YTHDF1: variants seen among roughly 807,000 people sequenced by gnomAD.
YTHDF1 encodes YTH domain-containing family protein 1.
YTHDF1 carries 16 observed loss-of-function variants against 49.1 expected under a neutral mutation model. That is an observed-to-expected ratio of 0.33 (90% CI 0.22 to 0.49). The LOEUF (loss-of-function observed/expected upper bound fraction) is 0.49. YTHDF1 is among the 20% of genes least tolerant of loss of function. YTHDF1 has a pLI of 0.99. For missense variants in YTHDF1, 621 were observed against 744.3 expected, an observed-to-expected ratio of 0.83 and a Z score of 1.93; for synonymous variants, 313 against 290.1, an observed-to-expected ratio of 1.08 and a Z score of -0.80.
chr20:63,205,531 C>A (rs1032892721), intron 3 of YTHDF1, among the ~76,000 whole-genome samples: 11 of 149,358 alleles, frequency 7.4e-5, no homozygotes, highest in African/African-American at 2.7e-4. Context: ...TTTTTTGGGA[C>A]GAAGTCTCAC....
chr20:63,203,850 G>A lies in YTHDF1; in HGVS notation c.133-43C>T, dbSNP rs896995280. 17 of 1,536,464 alleles carry A rather than the reference G, an allele frequency of 1.1e-5. No individual in the cohort carries two copies. The highest frequency in any genetic ancestry group is 6.9e-5 in the African/African-American group (5 of 72,742). The stretch of plus-strand genomic sequence containing the variant: ...ACAAGTTACACCACTTCTACAACAC[G>A]AGATGCTGAGAATGCCAACCGCCTC... On this transcript the variant is annotated intron_variant, in intron 3 of 4. Coordinates refer to ENST00000370339, the MANE Select transcript of YTHDF1 (RefSeq NM_017798.4). This position sits in a 1 kb window ranked among gnomAD's most constrained non-coding sequence, Gnocchi z 4.4.
chr20:63,199,769 A>G (rs1173087027), intron 4 of YTHDF1, among the ~76,000 whole-genome samples: 3 of 152,102 alleles, frequency 2.0e-5, no homozygotes, highest in African/African-American at 7.2e-5. Context: ...AGCTTAAAAG[A>G]TATTTGACGC....
chr20:63,201,211 G>C (rs943521036), intron 4 of YTHDF1, among the ~76,000 whole-genome samples: 3 of 152,168 alleles, frequency 2.0e-5, no homozygotes, highest in African/African-American at 7.2e-5. Context: ...TAAGACTGCA[G>C]ACAGTGCAGG....
intron 3 of YTHDF1, among the ~76,000 whole-genome samples, chr20:63,211,846 A>G (rs568478397): frequency 6.6e-6 from 1 of 152,158 alleles, no homozygotes; most frequent in Non-Finnish European, 1.5e-5. Flanking sequence ...AGTCCCAGCT[A>G]TTCAGGAGGC....
intron 3 of YTHDF1, among the ~76,000 whole-genome samples, chr20:63,209,488 G>A (rs374368435): frequency 1.3e-4 from 20 of 151,718 alleles, no homozygotes; most frequent in African/African-American, 4.6e-4. Context: ...ATGAAGACAC[G>A]GCCAGGCACA....
At chr20:63,215,695 C>T in intron 1 of YTHDF1, 94 bp from the exon 2 acceptor site, 2 of 1,448,326 alleles carry the variant, frequency 1.4e-6, no homozygotes, top group Non-Finnish European at 1.8e-6. Context: ...TCCAACGGGC[C>T]GCGAGCTCCG....
chr20:63,202,890 A>G lies in YTHDF1; in HGVS notation c.1050T>C (p.Ser350=), dbSNP rs763422934. 1.2e-6 allele frequency: 2 copies of G among 1,613,888 alleles called. No homozygotes were observed. The highest frequency in any genetic ancestry group is 3.3e-5 in the Admixed American group (2 of 60,026). Residue 350 remains serine (S), a synonymous_variant, in exon 4 of 5, where the codon TCT becomes TCC. Transcript: ENST00000370339. ...CAGAATTAGGCTGGACGTTTCCAGG[A>G]GAGTTGCTATCGCTGCCAGCCCCTC... is the stretch of plus-strand genomic sequence containing the variant. ...QSGGAGSDSN[S]PGNVQPNSAP...
At position 63,211,651 on chromosome 20, in the gene YTHDF1, C is replaced by T. The variant is rs555080278; in HGVS notation, c.132+2213G>A. ...ATCCTCCCAAACAACACAAAAGCTC[C>T]GACTTTATAAAAATATTTTTGGCTG... On this transcript the variant is annotated intron_variant, in intron 3 of 4. Coordinates refer to ENST00000370339, the MANE Select transcript of YTHDF1 (RefSeq NM_017798.4). Among the ~76,000 whole-genome samples the T allele has an allele frequency of 2.2e-4, 33 of 152,080 alleles. No individual in the cohort carries two copies. In the South Asian group the frequency reaches 4.8e-3, roughly 22 times the overall value.
chr20:63,199,373 G>T (rs771662558), intron 4 of YTHDF1, among the ~76,000 whole-genome samples: 2 of 152,074 alleles, frequency 1.3e-5, no homozygotes, highest in Admixed American at 6.6e-5. Context: ...CAAAAAATTC[G>T]CTGGGCGTGG....
Position 63,213,944 on chromosome 20 carries a change from C to A in YTHDF1, c.53-1G>T. 1 of 1,569,948 alleles carries A rather than the reference C, an allele frequency of 6.4e-7. No individual in the cohort carries two copies. The highest frequency in any genetic ancestry group is 8.6e-7 in the Non-Finnish European group (1 of 1,167,590). On this transcript the variant is annotated splice_acceptor_variant, in intron 2 of 4. Transcript: ENST00000370339. LOFTEE classifies it high-confidence loss of function. ...TTCTGATGTAACGAACCATTTTGTA[C>A]TAGAACAAAAAGTTGCAAAATATTA...
chr20:63,201,396 C>A (rs1438721030), intron 4 of YTHDF1, among the ~76,000 whole-genome samples: 1 of 152,140 alleles, frequency 6.6e-6, no homozygotes, highest in African/African-American at 2.4e-5. Flanking sequence ...TTTTAAAAAG[C>A]AGGAGAGAAT....
At chr20:63,200,089 G>A (rs1413375720) in intron 4 of YTHDF1, among the ~76,000 whole-genome samples, 1 of 151,470 alleles carries the variant, frequency 6.6e-6, no homozygotes, top group South Asian at 2.1e-4. Context: ...GGCGGGGCAC[G>A]GTGGCTCACA....
chr20:63,202,561 G>C lies in YTHDF1; in HGVS notation c.1379C>G (p.Thr460Ser). The change falls in exon 4 of 5, where the codon ACC (threonine) becomes AGC (serine). Residue 460 changes from threonine (T) to serine (S), a missense_variant. Physicochemically the swap from Thr to Ser is moderately conservative, Grantham distance 58 (BLOSUM62 1). Coordinates refer to ENST00000370339, the MANE Select transcript of YTHDF1 (RefSeq NM_017798.4). ...AEMKSPVDYG[T>S]SAGVWSQDKW... is the part of the protein sequence containing the mutation. ...GTCCTGAGACCAGACCCCGGCACTG[G>C]TGCCGTAGTCCACGGGGGACTTCAT... 1 of 1,614,206 alleles carries C rather than the reference G, an allele frequency of 6.2e-7. No homozygotes were observed. Among genetic ancestry groups the C allele is most frequent in the Non-Finnish European group, 8.5e-7 (1 of 1,180,048 alleles).
Position 63,208,282 on chromosome 20 carries a change from G to A in YTHDF1, c.133-4475C>T, listed in dbSNP as rs191700540. Among the ~76,000 whole-genome samples the A allele has an allele frequency of 6.6e-5, 10 of 152,264 alleles. No homozygotes were observed. In the East Asian group the frequency reaches 1.2e-3, roughly 18 times the overall value. On this transcript the variant is annotated intron_variant, in intron 3 of 4. Transcript: ENST00000370339. ...CAAACAAAACAAAATAATTAATTAT[G>A]TAAAATGGAAAAGTATTAAGGGTAC...
chr20:63,203,467 A>G lies in YTHDF1; in HGVS notation c.473T>C (p.Leu158Pro). ...CTGCCCATCAACCACCGTGCCACCC[A>G]GGGAGCTCGGGGGGTAGGTGTAGCT... The part of the protein sequence containing the change: ...GSSYTYPPSS[L>P]GGTVVDGQPG... The change falls in exon 4 of 5, where the codon CTG (leucine) becomes CCG (proline). Residue 158 changes from leucine to proline, a missense_variant. Leu to Pro is a moderately conservative substitution (Grantham distance 98). Transcript: ENST00000370339. This position sits in a 1 kb window ranked among gnomAD's most constrained non-coding sequence, Gnocchi z 4.4. The G allele has an allele frequency of 6.2e-7, 1 of 1,613,298 alleles. No homozygotes were observed. The highest frequency in any genetic ancestry group is 8.5e-7 in the Non-Finnish European group (1 of 1,179,808).
At chr20:63,215,767 G>A (rs1044377824) in intron 1 of YTHDF1, 99 bp downstream of exon 1, 6 of 1,380,914 alleles carry the variant, frequency 4.3e-6, no homozygotes, top group Middle Eastern at 2.6e-4. Flanking sequence ...GCCTGGGCCC[G>A]GCCTCCGCGA....
intron 3 of YTHDF1, among the ~76,000 whole-genome samples, chr20:63,211,908 A>T (rs963219921): frequency 1.3e-5 from 2 of 151,740 alleles, no homozygotes; most frequent in African/African-American, 4.9e-5. Context: ...AGTGAGCTAT[A>T]ATCATGCCCC....
In YTHDF1 at chr20:63,196,209, C is replaced by T. The variant is rs1375779469; in HGVS notation, c.*499G>A. The T allele has an allele frequency of 6.6e-6, 1 of 150,818 alleles. No homozygotes were observed. Among genetic ancestry groups the T allele is most frequent in the Non-Finnish European group, 1.5e-5 (1 of 67,956 alleles). 9.3% of individuals were successfully genotyped at this position (150,818 alleles called of 1,614,324 possible). On this transcript the variant is annotated 3_prime_UTR_variant, in exon 5 of 5. Transcript: ENST00000370339. ...GAAAAATCAAATGGGTAAATTAGCA[C>T]TTTAGACCGATAACAGATAATAAAA...
At chr20:63,215,492 C>T in intron 2 of YTHDF1, 85 bp downstream of exon 2, 1 of 1,579,018 alleles carries the variant, frequency 6.3e-7, no homozygotes, top group South Asian at 1.1e-5. Flanking sequence ...AGAAAGTTTC[C>T]GGTTCCAGAC....
Sources: allele counts gnomAD v4.1 joint callset (sites outside exome capture counted in the v4.1 genomes callset), GRCh38; gene constraint gnomAD v4.1.1; non-coding constraint Gnocchi (gnomAD v3.1); transcripts MANE v1.5; gene names NCBI Gene and HGNC (gene_info 2026-07-23, HGNC 2026-07-21).